Variants in WDPCP observed in about 807,000 individuals in gnomAD.
The protein encoded by WDPCP is WD repeat containing planar cell polarity effector.
Under a neutral mutation model 93.1 loss-of-function variants are expected in WDPCP, and 71 were observed. The observed-to-expected ratio is 0.76, with a 90% CI of 0.63 to 0.93. The LOEUF is 0.93. Ranked by LOEUF, WDPCP falls within the 40% of genes least tolerant of loss-of-function variation. The pLI, the probability that WDPCP is intolerant of heterozygous loss-of-function variation, is 0.00. For missense variants in WDPCP, 844 were observed against 887.4 expected (o/e 0.95, Z 0.62); for synonymous variants, 315 against 315.0 (o/e 1.00, Z 0.00).
At chr2:63,222,447 TA>T (rs1677922879) in intron 14 of WDPCP, among the ~76,000 whole-genome samples, 1 of 152,206 alleles carries the variant, frequency 6.6e-6, no homozygotes, top group Admixed American at 6.6e-5. Context: ...GCTTAGATAT[TA>T]AATACACTGT....
intron 14 of WDPCP, among the ~76,000 whole-genome samples, chr2:63,255,502 C>G (rs1444944763): frequency 6.6e-6 from 1 of 152,078 alleles, no homozygotes; most frequent in Non-Finnish European, 1.5e-5. Flanking sequence ...AGTTCTTGCT[C>G]TGTTAGTTCA....
chr2:63,571,309 T>C (rs1431806119), intron 1 of WDPCP: 1 of 445,200 alleles, frequency 2.2e-6, no homozygotes, highest in Admixed American at 2.5e-5. Flanking sequence ...CAGAAGAATG[T>C]TATAATTTTT....
intron 12 of WDPCP, among the ~76,000 whole-genome samples, chr2:63,326,159 G>A (rs888768465): frequency 9.8e-5 from 15 of 152,324 alleles, no homozygotes; most frequent in Non-Finnish European, 1.3e-4. Flanking sequence ...GATAACAGGC[G>A]CTACTCCTTG....
chr2:63,419,239 T>C (rs1344793443), intron 9 of WDPCP, among the ~76,000 whole-genome samples: 5 of 152,028 alleles, frequency 3.3e-5, no homozygotes, highest in African/African-American at 1.2e-4. Flanking sequence ...ACCTCCCGGG[T>C]TCAAGCAATT....
At chr2:63,238,968 G>A (rs1447785041) in intron 14 of WDPCP, among the ~76,000 whole-genome samples, 1 of 152,128 alleles carries the variant, frequency 6.6e-6, no homozygotes, top group Non-Finnish European at 1.5e-5. Context: ...GGCCAATTTT[G>A]AGCTACCAAC....
chr2:63,710,541 T>C (rs1457078393), intron 2 of WDPCP, among the ~76,000 whole-genome samples: 3 of 152,194 alleles, frequency 2.0e-5, no homozygotes, highest in Non-Finnish European at 4.4e-5. Flanking sequence ...TCCAGACCCA[T>C]GCCGAACCCT....
intron 1 of WDPCP, among the ~76,000 whole-genome samples, chr2:63,511,934 A>G (rs1485230373): frequency 6.6e-6 from 1 of 152,244 alleles, no homozygotes; most frequent in Non-Finnish European, 1.5e-5. Flanking sequence ...TGCATAGCAA[A>G]AGAAACTATC....
chr2:63,471,095 TTACA>T, intron 6 of WDPCP, among the ~76,000 whole-genome samples: 1 of 152,210 alleles, frequency 6.6e-6, no homozygotes, highest in East Asian at 1.9e-4. Context: ...TTGCACTCTC[TTACA>T]TATTTTCCTT....
intron 3 of WDPCP, among the ~76,000 whole-genome samples, chr2:63,636,547 T>C (rs186790645): frequency 1.3e-5 from 2 of 152,294 alleles, no homozygotes; most frequent in East Asian, 3.9e-4. Flanking sequence ...GACATCCTCC[T>C]ATCTCAGCCT....
At chr2:63,487,628 G>T (rs1167951422) in intron 2 of WDPCP, 134 bp from the exon 3 acceptor site, 2 of 607,414 alleles carry the variant, frequency 3.3e-6, no homozygotes, top group Non-Finnish European at 5.8e-6. Flanking sequence ...AAATAAAATG[G>T]CTCAAAAGCA....
At chr2:63,789,152 T>C (rs1392432239) in intron 2 of WDPCP, among the ~76,000 whole-genome samples, 3 of 152,112 alleles carry the variant, frequency 2.0e-5, no homozygotes, top group African/African-American at 7.2e-5. Context: ...TATAGAAAAA[T>C]ATAACAGAGA....
At chr2:63,339,298 C>T (rs1228977552) in intron 12 of WDPCP, among the ~76,000 whole-genome samples, 4 of 151,996 alleles carry the variant, frequency 2.6e-5, no homozygotes, top group Non-Finnish European at 4.4e-5. Context: ...CTCAACTTCC[C>T]GAGTAGCTGG....
chr2:63,767,994 TAACAAC>T, intron 2 of WDPCP, among the ~76,000 whole-genome samples: 1 of 152,038 alleles, frequency 6.6e-6, no homozygotes, highest in South Asian at 2.1e-4. Context: ...CCTAGGAAAA[TAACAAC>T]AACAACCAAA....
intron 12 of WDPCP, among the ~76,000 whole-genome samples, chr2:63,359,381 G>A (rs969481762): frequency 2.6e-5 from 4 of 152,144 alleles, no homozygotes; most frequent in African/African-American, 9.7e-5. Flanking sequence ...TATTTCACTA[G>A]AGAGCATAAA....
chr2:63,275,933 A>G (rs559712962), intron 13 of WDPCP, among the ~76,000 whole-genome samples: 1 of 97,694 alleles, frequency 1.0e-5, no homozygotes, highest in African/African-American at 5.0e-5. Context: ...ACATACCAAG[A>G]AAGCTGAGAG....
intron 14 of WDPCP, among the ~76,000 whole-genome samples, chr2:63,236,000 G>T (rs1247918754): frequency 6.6e-6 from 1 of 152,122 alleles, no homozygotes; most frequent in Non-Finnish European, 1.5e-5. Context: ...GAAATCAGGA[G>T]AAGAGAAAGA....
At chr2:63,140,851 T>C (rs867297494) in intron 17 of WDPCP, among the ~76,000 whole-genome samples, 2 of 152,200 alleles carry the variant, frequency 1.3e-5, no homozygotes, top group African/African-American at 4.8e-5. Context: ...AGTACTATGT[T>C]GAACAGGAGT....
intron 17 of WDPCP, among the ~76,000 whole-genome samples, chr2:63,136,349 T>G (rs1670617587): frequency 6.6e-6 from 1 of 152,060 alleles, no homozygotes; most frequent in African/African-American, 2.4e-5. Context: ...ATATGAAATT[T>G]AAGAAAATTA....
At chr2:63,229,577 T>G (rs1180860763) in intron 14 of WDPCP, 3 of 152,198 alleles carry the variant, frequency 2.0e-5, no homozygotes, top group Admixed American at 6.6e-5. Context: ...GTCTAACATT[T>G]AAGTCTTTAA....
Sources: allele counts gnomAD v4.1 joint callset (sites outside exome capture counted in the v4.1 genomes callset), GRCh38; gene constraint gnomAD v4.1.1; transcripts MANE v1.5; gene names NCBI Gene and HGNC (gene_info 2026-07-23, HGNC 2026-07-21).